Variants in FER observed in about 807,000 individuals in gnomAD.
FER encodes the protein tyrosine-protein kinase Fer.
In FER, 63 loss-of-function variants were observed where a neutral mutation model predicts 111.0. That is an observed-to-expected ratio of 0.57 (90% confidence interval 0.46 to 0.70). The LOEUF is 0.70. FER is among the 30% of genes least tolerant of loss of function. The pLI, the probability that FER is intolerant of heterozygous loss-of-function variation, is 0.00. For missense variants in FER, 914 were observed against 954.0 expected, an observed-to-expected ratio of 0.96 and a Z score of 0.55; for synonymous variants, 327 against 313.9, an observed-to-expected ratio of 1.04 and a Z score of -0.44.
intron 10 of FER, among the ~76,000 whole-genome samples, chr5:108,936,454 T>G (rs1257568472): frequency 6.6e-6 from 1 of 151,978 alleles, no homozygotes; most frequent in Non-Finnish European, 1.5e-5. Context: ...GCCAGTGGTT[T>G]ATTATGTTGT....
intron 2 of FER, among the ~76,000 whole-genome samples, chr5:108,796,699 C>T (rs947408269): frequency 1.6e-4 from 25 of 152,128 alleles, no homozygotes; most frequent in African/African-American, 5.1e-4. Flanking sequence ...CTGATGTTGA[C>T]GTGAGGCCCA....
intron 1 of FER, among the ~76,000 whole-genome samples, chr5:108,753,266 A>G (rs182168260): frequency 6.6e-6 from 1 of 152,270 alleles, no homozygotes; most frequent in East Asian, 1.9e-4. Context: ...AAATTAAAAT[A>G]TAATTAAATT....
At chr5:108,868,258 T>C (rs1044782127) in intron 6 of FER, among the ~76,000 whole-genome samples, 1 of 151,904 alleles carries the variant, frequency 6.6e-6, no homozygotes, top group Non-Finnish European at 1.5e-5. Context: ...CTCCAGAGAG[T>C]TGGGTATTTA....
intron 13 of FER, among the ~76,000 whole-genome samples, chr5:109,004,910 TG>T (rs148699139): frequency 0.047 from 7,080 of 152,176 alleles, 260 homozygotes; most frequent in South Asian, 0.11. Context: ...AATGAAGAGT[TG>T]TTTTTTTTAT....
intron 13 of FER, among the ~76,000 whole-genome samples, chr5:109,007,396 G>A (rs1441667542): frequency 6.6e-6 from 1 of 152,134 alleles, no homozygotes; most frequent in Non-Finnish European, 1.5e-5. Context: ...AATTCATATA[G>A]TTGTTTACCA....
At chr5:109,059,341 G>T (rs1774074459) in intron 16 of FER, among the ~76,000 whole-genome samples, 1 of 149,878 alleles carries the variant, frequency 6.7e-6, no homozygotes, top group South Asian at 2.1e-4. Flanking sequence ...TGGCCAACAT[G>T]GTGAAACCCT....
chr5:108,904,662 A>G (rs1409821703), intron 10 of FER, among the ~76,000 whole-genome samples: 1 of 152,184 alleles, frequency 6.6e-6, no homozygotes, highest in Non-Finnish European at 1.5e-5. Context: ...ATACATCTTC[A>G]GTGAAAATCC....
intron 18 of FER, among the ~76,000 whole-genome samples, chr5:109,183,325 G>A (rs958744655): frequency 1.4e-5 from 2 of 141,542 alleles, no homozygotes; most frequent in Non-Finnish European, 1.5e-5. Context: ...CTAGGCTCAC[G>A]GCAACCTCTG....
chr5:108,930,382 C>T (rs867657527), intron 10 of FER, among the ~76,000 whole-genome samples: 16 of 128 alleles, frequency 0.12, no homozygotes, highest in Non-Finnish European at 0.19. Context: ...TTCCCCTCCC[C>T]TCCCCTTCTC....
At chr5:108,898,977 G>A (rs1343816519) in intron 10 of FER, among the ~76,000 whole-genome samples, 1 of 150,552 alleles carries the variant, frequency 6.6e-6, no homozygotes, top group Admixed American at 6.7e-5. Context: ...TTTCCTGTGG[G>A]TAACTTACAG....
chr5:108,862,099 T>C (rs1400874197), intron 5 of FER, among the ~76,000 whole-genome samples: 1 of 152,190 alleles, frequency 6.6e-6, no homozygotes, highest in African/African-American at 2.4e-5. Flanking sequence ...AATCTGGTTT[T>C]AAACCTGAAA....
At chr5:108,844,208 A>G (rs775264241) in intron 5 of FER, among the ~76,000 whole-genome samples, 19 of 128,252 alleles carry the variant, frequency 1.5e-4, no homozygotes, top group Non-Finnish European at 2.9e-4. Context: ...AGCACTTGAA[A>G]GTATATTGTA....
At chr5:108,906,582 TCTG>T (rs1750807351) in intron 10 of FER, among the ~76,000 whole-genome samples, 1 of 152,110 alleles carries the variant, frequency 6.6e-6, no homozygotes. Context: ...TTATTAGAAG[TCTG>T]CTTTTTTCCT....
chr5:109,141,199 T>G (rs772802666), intron 17 of FER, among the ~76,000 whole-genome samples: 3 of 152,320 alleles, frequency 2.0e-5, no homozygotes, highest in South Asian at 2.1e-4. Context: ...AAGATTTCCT[T>G]TTTTGAAAAT....
chr5:108,757,062 T>A (rs1044506214), intron 1 of FER, among the ~76,000 whole-genome samples: 4 of 152,200 alleles, frequency 2.6e-5, no homozygotes, highest in Non-Finnish European at 5.9e-5. Flanking sequence ...GGAGACCCAG[T>A]TATAAAATGA....
chr5:108,761,260 G>A (rs1361204983), intron 1 of FER, among the ~76,000 whole-genome samples: 1 of 152,034 alleles, frequency 6.6e-6, no homozygotes, highest in Non-Finnish European at 1.5e-5. Context: ...TCCTCACTAA[G>A]CTTAATTTAG....
At position 108,886,561 on chromosome 5, in the gene FER, A is replaced by G. The variant is rs1477056873; in HGVS notation, c.1046+3043A>G. Among the ~76,000 whole-genome samples the G allele has an allele frequency of 3.3e-5, 5 of 151,660 alleles. No homozygotes were observed. In the East Asian group the frequency reaches 9.7e-4, roughly 29 times the overall value. On this transcript the variant is annotated intron_variant, in intron 9 of 19. Transcript: ENST00000281092. ...TACCTTCAGGTCTTTGAGACTTTAC[A>G]TAACTTACTTACAATCACATACATA...
chr5:109,016,519 A>G (rs754441400), intron 13 of FER, among the ~76,000 whole-genome samples: 17 of 152,086 alleles, frequency 1.1e-4, no homozygotes, highest in East Asian at 9.6e-4. Context: ...ACAGGAAACA[A>G]TACACACTTG....
intron 13 of FER, among the ~76,000 whole-genome samples, chr5:109,010,833 A>G (rs751925149): frequency 7.2e-5 from 11 of 152,270 alleles, no homozygotes; most frequent in Non-Finnish European, 1.5e-4. Context: ...GTATTTTAAT[A>G]CTAGTATTTG....
Sources: gnomAD v4.1 joint callset for allele counts (sites outside exome capture counted in the v4.1 genomes callset) on GRCh38, gnomAD v4.1.1 for gene constraint, MANE v1.5 for transcripts, NCBI Gene and HGNC (gene_info 2026-07-23, HGNC 2026-07-21) for gene names.